Variants in NFAT5 observed in about 807,000 individuals in gnomAD.
NFAT5 encodes nuclear factor of activated T cells 5.
Under a neutral mutation model 166.5 loss-of-function variants are expected in NFAT5, and 31 were observed. The observed-to-expected ratio is 0.19, with a 90% confidence interval of 0.14 to 0.25. The LOEUF is 0.25. Ranked by LOEUF, NFAT5 falls within the 10% of genes least tolerant of loss-of-function variation. The probability of loss-of-function intolerance (pLI) is 1.00; values close to 1 mark genes in which losing one functional copy is unlikely to be tolerated. For missense variants in NFAT5, 1,449 were observed against 1,821.8 expected, an observed-to-expected ratio of 0.80 and a Z score of 3.72; for synonymous variants, 612 against 639.7, an observed-to-expected ratio of 0.96 and a Z score of 0.65.
Position 69,693,047 on chromosome 16 carries a change from A to C in NFAT5, c.3222A>C (p.Gln1074His), listed in dbSNP as rs754574529. The C allele has an allele frequency of 6.2e-7, 1 of 1,614,042 alleles. No homozygotes were observed. Among genetic ancestry groups the C allele is most frequent in the Non-Finnish European group, 8.5e-7 (1 of 1,180,036 alleles). ...AAGGGAATGAGATGATGTCACTTCAATCTGGAAATTTTTTGCAGCAGTCTT... is the reference window on the plus strand; with the variant it reads ...AAGGGAATGAGATGATGTCACTTCACTCTGGAAATTTTTTGCAGCAGTCTT... Reference protein sequence around the residue: ...FQQGNEMMSLQSGNFLQQSSH... With the variant: ...FQQGNEMMSLHSGNFLQQSSH... Residue 1074 changes from glutamine to histidine, a missense_variant, in exon 13 of 15, where the codon CAA (glutamine) becomes CAC (histidine). Physicochemically the swap from Gln to His is conservative, Grantham distance 24. Around this residue, in one of 7 missense-constraint regions of NFAT5, gnomAD observed 891 missense variants for 993.0 expected, o/e 0.90. Coordinates refer to ENST00000349945, the MANE Select transcript of NFAT5 (RefSeq NM_138713.4).
At chr16:69,620,604 G>A (rs1303805388) in intron 2 of NFAT5, among the ~76,000 whole-genome samples, 1 of 151,930 alleles carries the variant, frequency 6.6e-6, no homozygotes, top group Admixed American at 6.6e-5. Context: ...GCATGTCTGA[G>A]AAAAAATAAA....
intron 7 of NFAT5, among the ~76,000 whole-genome samples, chr16:69,667,494 TAA>T (rs57015431): frequency 9.3e-4 from 117 of 125,888 alleles, no homozygotes; most frequent in Admixed American, 1.3e-3. Context: ...TTGCAGAAAC[TAA>T]AAAAAAAAAA....
intron 3 of NFAT5, among the ~76,000 whole-genome samples, chr16:69,629,006 G>A (rs8045142): frequency 0.24 from 36,245 of 152,132 alleles, 4,653 homozygotes; most frequent in East Asian, 0.45. Context: ...CCCGAGAGGC[G>A]GAGGCTGCAG....
At chr16:69,672,879 A>G (rs1004436063) in intron 9 of NFAT5, among the ~76,000 whole-genome samples, 1 of 152,210 alleles carries the variant, frequency 6.6e-6, no homozygotes, top group Non-Finnish European at 1.5e-5. Flanking sequence ...TAAGGAGACT[A>G]TTTCTGGAGA....
At chr16:69,656,282 CAAAAA>C (rs1230748739) in intron 6 of NFAT5, among the ~76,000 whole-genome samples, 3 of 58,852 alleles carry the variant, frequency 5.1e-5, no homozygotes, top group Admixed American at 1.8e-4. Context: ...CTCTGTCTCA[CAAAAA>C]AAAAAAAAAA....
intron 4 of NFAT5, among the ~76,000 whole-genome samples, chr16:69,650,425 T>C (rs2035616536): frequency 6.6e-6 from 1 of 151,322 alleles, no homozygotes; most frequent in Non-Finnish European, 1.5e-5. Context: ...AAAAAAAAGA[T>C]AGTTTTAAGA....
chr16:69,632,514 G>A (rs1052602399), intron 3 of NFAT5: 3 of 152,084 alleles, frequency 2.0e-5, no homozygotes, highest in South Asian at 2.1e-4. Context: ...CAGGATCTTC[G>A]AATGGGAATT....
In NFAT5 at chr16:69,654,372, G is replaced by A. The variant is rs116340219; in HGVS notation, c.1005+944G>A. ...ATGATTGAAACTCTGGATCAATCAGGAAACGTGTCTGCCACCATTTATAAG... is the reference window on the plus strand; with the variant it reads ...ATGATTGAAACTCTGGATCAATCAGAAAACGTGTCTGCCACCATTTATAAG... On this transcript the variant is annotated intron_variant, in intron 5 of 14. Transcript: ENST00000349945. Among the ~76,000 whole-genome samples the A allele has an allele frequency of 8.7e-3, 1,328 of 152,240 alleles. 18 individuals are homozygous for A. Among genetic ancestry groups the A allele is most frequent in the African/African-American group, 0.031 (1,272 of 41,540 alleles).
chr16:69,600,161 A>C lies in NFAT5; in HGVS notation c.128-26242A>C, dbSNP rs551346092. ...ATTCATTTCTCTGGGAAAAAAAAAA[A>C]AACAAGATATTTCAGGGACATGAAG... On this transcript the variant is annotated intron_variant, in intron 2 of 14. Transcript: ENST00000349945. Among the ~76,000 whole-genome samples, 11 of 152,164 alleles carry C rather than the reference A, an allele frequency of 7.2e-5. No individual in the cohort carries two copies. The East Asian group carries it at 7.7e-4, about 11-fold the overall frequency.
chr16:69,694,418 C>A (rs1383892106), intron 13 of NFAT5, among the ~76,000 whole-genome samples, 179 bp downstream of exon 13: 1 of 152,158 alleles, frequency 6.6e-6, no homozygotes, highest in African/African-American at 2.4e-5. Context: ...CCACGCCCAG[C>A]TAATTTTTGT....
chr16:69,636,808 G>A (rs1202041136), intron 3 of NFAT5, among the ~76,000 whole-genome samples: 1 of 152,138 alleles, frequency 6.6e-6, no homozygotes, highest in Non-Finnish European at 1.5e-5. Context: ...GATGGGAGGG[G>A]CTGCCACAAA....
intron 2 of NFAT5, among the ~76,000 whole-genome samples, chr16:69,592,443 A>G (rs1479363971): frequency 1.3e-5 from 2 of 152,144 alleles, no homozygotes; most frequent in Admixed American, 6.6e-5. Context: ...GTTGTTGTTC[A>G]AAAATTATTA....
intron 1 of NFAT5, among the ~76,000 whole-genome samples, chr16:69,568,011 C>G (rs1317689922): frequency 6.6e-6 from 1 of 152,144 alleles, no homozygotes; most frequent in Admixed American, 6.5e-5. Context: ...GGCTTTAGCG[C>G]TTAAAAATAC....
intron 3 of NFAT5, among the ~76,000 whole-genome samples, chr16:69,630,373 G>A (rs1017722195): frequency 6.6e-6 from 1 of 151,770 alleles, no homozygotes; most frequent in Non-Finnish European, 1.5e-5. Context: ...GTCTTGCTGT[G>A]TTGCCCAGGC....
At chr16:69,678,822 C>T (rs1468669706) in intron 10 of NFAT5, among the ~76,000 whole-genome samples, 1 of 152,102 alleles carries the variant, frequency 6.6e-6, no homozygotes, top group African/African-American at 2.4e-5. Flanking sequence ...AAGAATGGGG[C>T]AAAGAAAGAA....
At chr16:69,578,361 A>C (rs1236721203) in intron 2 of NFAT5, among the ~76,000 whole-genome samples, 2 of 152,212 alleles carry the variant, frequency 1.3e-5, no homozygotes, top group Non-Finnish European at 2.9e-5. Flanking sequence ...ACTATGTATC[A>C]TAAATACTAA....
At chr16:69,568,696 A>C in intron 2 of NFAT5, 148 bp downstream of exon 2, 1 of 537,130 alleles carries the variant, frequency 1.9e-6, no homozygotes. Context: ...AGAGCAGCTG[A>C]ATGTTTCAAT....
rs1406429594 is a variant in NFAT5 at position 69,693,260 on chromosome 16, G to C, written c.3435G>C (p.Gln1145His). The change falls in exon 13 of 15, where the codon CAG becomes CAC. Residue 1145 changes from glutamine to histidine, a missense_variant. Coordinates refer to ENST00000349945, the MANE Select transcript of NFAT5 (RefSeq NM_138713.4). ...CTCAAAGTACCATTGCTGTGTTACA[G>C]GGCTCTTCAGTTCCTCAAGACCAGC... ...FHSQSTIAVL[Q>H]GSSVPQDQQS... 2 of 1,614,002 alleles carry C rather than the reference G, an allele frequency of 1.2e-6. No homozygotes were observed. The highest frequency in any genetic ancestry group is 2.7e-5 in the African/African-American group (2 of 74,896).
At chr16:69,628,942 C>T (rs559055947) in intron 3 of NFAT5, among the ~76,000 whole-genome samples, 3 of 152,074 alleles carry the variant, frequency 2.0e-5, no homozygotes, top group African/African-American at 4.8e-5. Context: ...GGCGTGGTGG[C>T]GGGCGCCTGT....
Sources: gnomAD v4.1 joint callset for allele counts (sites outside exome capture counted in the v4.1 genomes callset) on GRCh38, gnomAD v4.1.1 for gene constraint, gnomAD v4.1.1 regional missense constraint, MANE v1.5 for transcripts, NCBI Gene and HGNC (gene_info 2026-07-23, HGNC 2026-07-21) for gene names.